Variants in TJP1 observed in about 807,000 individuals in gnomAD.
The protein encoded by TJP1 is tight junction protein ZO-1.
Under a neutral mutation model 194.2 loss-of-function variants are expected in TJP1, and 43 were observed. The ratio of observed to expected loss-of-function variants is 0.22; its 90% CI spans 0.17 to 0.29. TJP1 has a LOEUF of 0.29. Among genes scored for constraint, TJP1 ranks in the 10% least tolerant of loss-of-function variants. The pLI, the probability that TJP1 is intolerant of heterozygous loss-of-function variation, is 1.00. For synonymous variants in TJP1, 801 were observed against 779.0 expected, an observed-to-expected ratio of 1.03 and a Z score of -0.47; for missense variants, 1,971 against 2,185.7, an observed-to-expected ratio of 0.90 and a Z score of 1.96.
At chr15:29,837,608 G>T (rs2051077971) in intron 2 of TJP1, among the ~76,000 whole-genome samples, 1 of 152,116 alleles carries the variant, frequency 6.6e-6, no homozygotes, top group African/African-American at 2.4e-5. Flanking sequence ...AATTTTGTAG[G>T]CTTTATATGT....
chr15:29,802,596 C>G (rs1403232128), intron 1 of TJP1, among the ~76,000 whole-genome samples: 1 of 150,656 alleles, frequency 6.6e-6, no homozygotes, highest in Non-Finnish European at 1.5e-5. Flanking sequence ...AAACATTGAC[C>G]GGGATAATGC....
chr15:29,884,708 C>T (rs1208680936), intron 2 of TJP1, among the ~76,000 whole-genome samples: 1 of 152,166 alleles, frequency 6.6e-6, no homozygotes, highest in Non-Finnish European at 1.5e-5. Flanking sequence ...CTACCTAAGG[C>T]ATCGATGCTG....
intron 15 of TJP1, chr15:29,730,832 G>A (rs1286374529): frequency 9.9e-7 from 1 of 1,015,034 alleles, no homozygotes; most frequent in East Asian, 2.4e-5. Context: ...CAGAGCCCAA[G>A]CCTAAAAAGG....
upstream of TJP1, among the ~76,000 whole-genome samples, chr15:29,826,553 G>A (rs570088735): frequency 1.3e-5 from 2 of 152,236 alleles, no homozygotes; most frequent in South Asian, 2.1e-4. Context: ...CCAAAACACT[G>A]ACAAGTCTAC....
At chr15:29,864,637 G>A (rs1182690515) in intron 2 of TJP1, among the ~76,000 whole-genome samples, 1 of 152,142 alleles carries the variant, frequency 6.6e-6, no homozygotes, top group Non-Finnish European at 1.5e-5. Context: ...GGCAGTAGAG[G>A]AAGGAACCTG....
intron 25 of TJP1, among the ~76,000 whole-genome samples, chr15:29,708,089 A>C (rs2042008848): frequency 6.6e-6 from 1 of 151,130 alleles, no homozygotes; most frequent in African/African-American, 2.4e-5. Flanking sequence ...CCAGCTACTT[A>C]GGAGGCTGAG....
rs1338267257 is a variant in TJP1, at chr15:29,718,603, G to A, written c.3539C>T (p.Ser1180Leu). Residue 1180 changes from serine to leucine, a missense_variant, in exon 21 of 28, where the codon TCA becomes TTA. Transcript: ENST00000614355. ...RLRPEAQPHP[S>L]AGPKPAESKQ... ...GGACTCTGCAGGCTTGGGCCCTGCT[G>A]AAGGGTGGGGCTGGGCTTCCGGTCT... 2.5e-6 allele frequency: 4 copies of A among 1,614,088 alleles called. No individual in the cohort carries two copies. The highest frequency in any genetic ancestry group is 3.4e-6 in the Non-Finnish European group (4 of 1,180,046).
At chr15:29,814,442 G>A (rs1039782994) in intron 1 of TJP1, among the ~76,000 whole-genome samples, 3 of 152,070 alleles carry the variant, frequency 2.0e-5, no homozygotes, top group African/African-American at 4.8e-5. Context: ...AGTCATTACT[G>A]GTATCCTCCT....
intron 2 of TJP1, among the ~76,000 whole-genome samples, chr15:29,869,804 T>TC (rs1567150656): frequency 5.7e-5 from 7 of 121,930 alleles, no homozygotes; most frequent in African/African-American, 2.2e-4. Flanking sequence ...TCTTTTTTTT[T>TC]TTTTTTTTTT....
At chr15:29,938,133 C>T (rs769265797) in intron 2 of TJP1, among the ~76,000 whole-genome samples, 1 of 152,192 alleles carries the variant, frequency 6.6e-6, no homozygotes, top group Non-Finnish European at 1.5e-5. Flanking sequence ...AAAATGTAAA[C>T]AGCAGTAACA....
chr15:29,880,973 T>C (rs1390489171), intron 2 of TJP1, among the ~76,000 whole-genome samples: 1 of 152,242 alleles, frequency 6.6e-6, no homozygotes, highest in African/African-American at 2.4e-5. Context: ...ATGAGATTGC[T>C]AGATCGTGTA....
chr15:29,949,536 C>G (rs796979824), intron 2 of TJP1, among the ~76,000 whole-genome samples: 1 of 143,030 alleles, frequency 7.0e-6, no homozygotes, highest in Non-Finnish European at 1.5e-5. Flanking sequence ...ACCACCTCCA[C>G]CACCACCACC....
intron 2 of TJP1, among the ~76,000 whole-genome samples, chr15:29,899,573 G>C (rs1449602700): frequency 6.6e-6 from 1 of 152,184 alleles, no homozygotes; most frequent in Non-Finnish European, 1.5e-5. Context: ...CCAGGTGTGT[G>C]AGCACAGGCA....
At chr15:29,721,355 T>G (rs1367548684) in intron 18 of TJP1, among the ~76,000 whole-genome samples, 2 of 152,028 alleles carry the variant, frequency 1.3e-5, no homozygotes, top group Admixed American at 1.3e-4. Context: ...CAAGATCTGT[T>G]TTTTTAAGTG....
chr15:29,743,595 C>A (rs981013186), intron 8 of TJP1, among the ~76,000 whole-genome samples: 3 of 152,122 alleles, frequency 2.0e-5, no homozygotes, highest in Non-Finnish European at 4.4e-5. Flanking sequence ...GGCACTGTCA[C>A]TTGTTCCTAC....
chr15:29,774,764 C>T (rs915107422), intron 2 of TJP1, among the ~76,000 whole-genome samples: 3 of 151,122 alleles, frequency 2.0e-5, no homozygotes, highest in South Asian at 2.1e-4. Flanking sequence ...GGCAATAAAG[C>T]GAACACAAAA....
chr15:29,901,113 T>A (rs813676), intron 2 of TJP1, among the ~76,000 whole-genome samples: 4 of 151,868 alleles, frequency 2.6e-5, no homozygotes, highest in African/African-American at 9.7e-5. Flanking sequence ...TCGATGAGAA[T>A]GGCACAGCTG....
chr15:29,744,161 G>C (rs905847484), intron 8 of TJP1, among the ~76,000 whole-genome samples: 19 of 152,308 alleles, frequency 1.2e-4, no homozygotes, highest in African/African-American at 4.3e-4. Context: ...CTTGGTGACA[G>C]AGCAAGACTC....
At chr15:29,735,258 C>T (rs2043951158) in intron 11 of TJP1, among the ~76,000 whole-genome samples, 1 of 151,396 alleles carries the variant, frequency 6.6e-6, no homozygotes, top group South Asian at 2.1e-4. Flanking sequence ...ACACGCACCA[C>T]TTACTTTTAT....
Sources: gnomAD v4.1 joint callset for allele counts (sites outside exome capture counted in the v4.1 genomes callset) on GRCh38, gnomAD v4.1.1 for gene constraint, MANE v1.5 for transcripts, NCBI Gene and HGNC (gene_info 2026-07-23, HGNC 2026-07-21) for gene names.